Variants in CCNY observed in about 807,000 individuals in gnomAD.
The protein encoded by CCNY is cyclin-Y.
CCNY carries 19 observed loss-of-function variants against 42.8 expected under a neutral mutation model. That is an observed-to-expected ratio of 0.44 (90% confidence interval 0.31 to 0.65). The LOEUF (loss-of-function observed/expected upper bound fraction) is 0.65, where lower values mean the gene tolerates loss of function less well. Among genes scored for constraint, CCNY ranks in the 30% least tolerant of loss-of-function variants. CCNY has a pLI of 0.07. For synonymous variants in CCNY, 165 were observed against 162.7 expected, an observed-to-expected ratio of 1.01 and a Z score of -0.11; for missense variants, 370 against 437.3, an observed-to-expected ratio of 0.85 and a Z score of 1.37.
intron 3 of CCNY, among the ~76,000 whole-genome samples, chr10:35,308,883 G>C (rs2135083115): frequency 6.6e-6 from 1 of 152,282 alleles, no homozygotes; most frequent in South Asian, 2.1e-4. Flanking sequence ...TGACAGCTTG[G>C]ATGACGATGG....
chr10:35,303,568 G>A (rs1290919999), intron 3 of CCNY, among the ~76,000 whole-genome samples: 2 of 150,572 alleles, frequency 1.3e-5, no homozygotes, highest in African/African-American at 2.4e-5. Context: ...ACCTGAGGTC[G>A]GGAGTTCGAG....
intron 1 of CCNY, chr10:35,347,396 T>C: frequency 1.0e-6 from 1 of 975,082 alleles, no homozygotes; most frequent in Non-Finnish European, 1.2e-6. Flanking sequence ...TCACTTCTAT[T>C]TTGGATGCCT....
intron 4 of CCNY, among the ~76,000 whole-genome samples, chr10:35,521,254 T>G (rs1158168718): frequency 1.3e-5 from 2 of 152,244 alleles, no homozygotes; most frequent in African/African-American, 4.8e-5. Context: ...GGCCCTTCCT[T>G]GGTGAAACTG....
intron 1 of CCNY, among the ~76,000 whole-genome samples, chr10:35,400,121 G>C (rs1837612201): frequency 6.6e-6 from 1 of 152,110 alleles, no homozygotes; most frequent in African/African-American, 2.4e-5. Flanking sequence ...GTGGATAGCT[G>C]TTCTGTATAT....
intron 1 of CCNY, among the ~76,000 whole-genome samples, chr10:35,405,148 C>T (rs1837729540): frequency 6.6e-6 from 1 of 152,032 alleles, no homozygotes; most frequent in South Asian, 2.1e-4. Context: ...GGTTTTTGGA[C>T]AGGTAAAACA....
intron 1 of CCNY, among the ~76,000 whole-genome samples, chr10:35,384,094 G>C (rs946224199): frequency 2.6e-5 from 4 of 152,134 alleles, no homozygotes; most frequent in Admixed American, 2.6e-4. Flanking sequence ...GATTAAAGGA[G>C]GGTTTCCTTC....
At chr10:35,357,326 G>T (rs998961673) in intron 1 of CCNY, among the ~76,000 whole-genome samples, 1 of 152,164 alleles carries the variant, frequency 6.6e-6, no homozygotes, top group Non-Finnish European at 1.5e-5. Flanking sequence ...AACACAATGA[G>T]GACAGGGACA....
intron 3 of CCNY, among the ~76,000 whole-genome samples, chr10:35,309,280 G>A (rs1476570352): frequency 1.3e-5 from 2 of 152,174 alleles, no homozygotes; most frequent in Non-Finnish European, 2.9e-5. Flanking sequence ...CATGAGATAG[G>A]TCAGCAATCA....
intron 3 of CCNY, among the ~76,000 whole-genome samples, chr10:35,290,263 C>CACACACACAA (rs1167708883): frequency 2.0e-5 from 3 of 148,554 alleles, no homozygotes; most frequent in African/African-American, 5.0e-5. Flanking sequence ...CACACACACA[C>CACACACACAA]AAAATTAGCT....
intron 1 of CCNY, among the ~76,000 whole-genome samples, chr10:35,353,055 A>G (rs1836462763): frequency 6.6e-6 from 1 of 152,224 alleles, no homozygotes; most frequent in South Asian, 2.1e-4. Context: ...CCTCCCGAGT[A>G]GCTGGGACCA....
At chr10:35,474,364 A>G (rs1050328975) in intron 1 of CCNY, among the ~76,000 whole-genome samples, 4 of 152,142 alleles carry the variant, frequency 2.6e-5, no homozygotes, top group African/African-American at 9.6e-5. Context: ...AAACAAAAAG[A>G]CAGCAGTAAC....
chr10:35,301,449 T>G (rs1470200101), intron 3 of CCNY, among the ~76,000 whole-genome samples: 2 of 152,140 alleles, frequency 1.3e-5, no homozygotes, highest in African/African-American at 4.8e-5. Flanking sequence ...TAAAATGAAG[T>G]CACTTCACTT....
intron 3 of CCNY, among the ~76,000 whole-genome samples, chr10:35,256,132 G>A (rs995081729): frequency 6.6e-6 from 1 of 152,254 alleles, no homozygotes; most frequent in African/African-American, 2.4e-5. Context: ...AGTGGATCAG[G>A]TGCTTTATCT....
intron 1 of CCNY, among the ~76,000 whole-genome samples, chr10:35,444,199 A>G (rs1427842615): frequency 6.7e-6 from 1 of 148,316 alleles, no homozygotes; most frequent in Non-Finnish European, 1.5e-5. Flanking sequence ...TTCTTCTGGT[A>G]CCTCCTGCAG....
At chr10:35,470,450 G>A (rs1419096887) in intron 1 of CCNY, among the ~76,000 whole-genome samples, 2 of 152,220 alleles carry the variant, frequency 1.3e-5, no homozygotes, top group Non-Finnish European at 2.9e-5. Context: ...CGGAGAGACT[G>A]CCCTGGAGGC....
At chr10:35,450,982 T>C (rs553494211) in intron 1 of CCNY, among the ~76,000 whole-genome samples, 11 of 152,338 alleles carry the variant, frequency 7.2e-5, no homozygotes, top group Non-Finnish European at 1.5e-4. Flanking sequence ...TTTTGTTGGT[T>C]TATGAAGCAT....
At chr10:35,339,708 A>G (rs1412294596) in intron 1 of CCNY, among the ~76,000 whole-genome samples, 2 of 152,224 alleles carry the variant, frequency 1.3e-5, no homozygotes, top group African/African-American at 2.4e-5. Flanking sequence ...ATATGTATCC[A>G]TGCTTTCTTC....
intron 1 of CCNY, among the ~76,000 whole-genome samples, chr10:35,388,689 T>C (rs543595610): frequency 5.3e-5 from 8 of 152,362 alleles, no homozygotes; most frequent in African/African-American, 1.9e-4. Flanking sequence ...CCACAACAAA[T>C]TGCTATGCAC....
intron 4 of CCNY, among the ~76,000 whole-genome samples, chr10:35,522,267 G>A (rs1027684451): frequency 3.8e-4 from 58 of 152,174 alleles, no homozygotes; most frequent in Admixed American, 3.5e-3. Context: ...AGGGCTGAGC[G>A]TACTCCATGC....
Sources: gnomAD v4.1 joint callset for allele counts (sites outside exome capture counted in the v4.1 genomes callset) on GRCh38, gnomAD v4.1.1 for gene constraint, MANE v1.5 for transcripts, NCBI Gene and HGNC (gene_info 2026-07-23, HGNC 2026-07-21) for gene names.